Variants in RPS6KA3 observed in about 807,000 individuals in gnomAD.
RPS6KA3 encodes ribosomal protein S6 kinase alpha-3.
A neutral mutation model predicts 67.2 loss-of-function variants in RPS6KA3; 4 were observed. The ratio of observed to expected loss-of-function variants is 0.06; its 90% CI spans 0.03 to 0.14. The LOEUF (loss-of-function observed/expected upper bound fraction) is 0.14. RPS6KA3 is among the 10% of genes least tolerant of loss of function. RPS6KA3 has a pLI of 1.00. For synonymous variants in RPS6KA3, 182 were observed against 183.7 expected, an observed-to-expected ratio of 0.99 and a Z score of 0.07; for missense variants, 204 against 559.0, an observed-to-expected ratio of 0.36 and a Z score of 6.40.
At chrX:20,237,740 C>T (rs1026104473) in intron 1 of RPS6KA3, among the ~76,000 whole-genome samples, 2 of 111,533 alleles carry the variant, frequency 1.8e-5, no homozygotes, top group African/African-American at 6.5e-5. Flanking sequence ...GGATAAAATA[C>T]TCTGTAAAGT....
chrX:20,200,084 A>C (rs987755263), intron 4 of RPS6KA3, among the ~76,000 whole-genome samples: 1 of 112,351 alleles, frequency 8.9e-6, no homozygotes, highest in Non-Finnish European at 1.9e-5. Flanking sequence ...TTATGAAAAG[A>C]GACTGAATAC....
Position 20,259,196 on chromosome X carries a change from T to C in RPS6KA3, c.69+7368A>G, listed in dbSNP as rs772536059. Among the ~76,000 whole-genome samples the C allele has an allele frequency of 7.2e-5, 8 of 111,777 alleles. No individual in the cohort carries two copies. In the East Asian group the frequency reaches 1.9e-3, roughly 27 times the overall value. On this transcript the variant is annotated intron_variant, in intron 1 of 21. Coordinates refer to ENST00000379565, the MANE Select transcript of RPS6KA3 (RefSeq NM_004586.3). ...TTATATTACTAATCCTAGCTATCTA[T>C]TCTCTAGTAAGTGAAAACAAGAAGC...
chrX:20,230,733 C>T (rs2069239281), intron 2 of RPS6KA3, among the ~76,000 whole-genome samples: 2 of 111,005 alleles, frequency 1.8e-5, no homozygotes. Context: ...CTTATTCTTC[C>T]ACAACTGACA....
At chrX:20,156,298 TTTC>T in intron 20 of RPS6KA3, 49 bp from the exon 21 acceptor site, 1 of 1,127,456 alleles carries the variant, frequency 8.9e-7, no homozygotes, top group Non-Finnish European at 1.2e-6. Flanking sequence ...TTTGCTTCTT[TTTC>T]TATGGCTCTT....
intron 1 of RPS6KA3, among the ~76,000 whole-genome samples, chrX:20,250,925 T>C (rs772734123): frequency 1.8e-5 from 2 of 112,226 alleles, no homozygotes; most frequent in South Asian, 3.7e-4. Context: ...GTAGAATTTA[T>C]GTGATTTCTT....
intron 18 of RPS6KA3, among the ~76,000 whole-genome samples, chrX:20,164,240 G>A (rs1414419998): frequency 9.0e-6 from 1 of 111,319 alleles, no homozygotes; most frequent in Non-Finnish European, 1.9e-5. Flanking sequence ...GGGGAGAGAA[G>A]GAAGGCTAGA....
intron 1 of RPS6KA3, among the ~76,000 whole-genome samples, chrX:20,252,010 T>G (rs1358966802): frequency 8.9e-6 from 1 of 112,334 alleles, no homozygotes; most frequent in African/African-American, 3.2e-5. Flanking sequence ...CTGTTCATTT[T>G]CCAGTTTATT....
At chrX:20,191,307 T>A (rs2068120340) in intron 7 of RPS6KA3, among the ~76,000 whole-genome samples, 1 of 111,859 alleles carries the variant, frequency 8.9e-6, no homozygotes, top group African/African-American at 3.3e-5. Flanking sequence ...TCTTTGCTAT[T>A]GTGAATAGTG....
At chrX:20,263,421 AGTTT>A (rs1364569518) in intron 1 of RPS6KA3, among the ~76,000 whole-genome samples, 1 of 112,482 alleles carries the variant, frequency 8.9e-6, no homozygotes, top group East Asian at 2.8e-4. Context: ...TTAGGAAGCT[AGTTT>A]GTTTTTTATC....
At position 20,150,225 on chromosome X, in the gene RPS6KA3, C is replaced by T. The variant is rs1296225845; in HGVS notation, c.*5173G>A. ...AGAATTCATGATATGGTATCTTGGG[C>T]TTCTGGCATGCCTTACTAGAGAGAA... On this transcript the variant is annotated 3_prime_UTR_variant, in exon 22 of 22. Coordinates refer to ENST00000379565, the MANE Select transcript of RPS6KA3 (RefSeq NM_004586.3). 1 of 113,277 alleles carries T rather than the reference C, an allele frequency of 8.8e-6. No homozygotes were observed. Among genetic ancestry groups the T allele is most frequent in the African/African-American group, 3.2e-5 (1 of 31,188 alleles). 9.3% of individuals were successfully genotyped at this position (113,277 alleles called of 1,213,427 possible). A position where few individuals can be genotyped will look rare whatever the true frequency, so the allele number is the denominator to read the frequency against.
intron 2 of RPS6KA3, among the ~76,000 whole-genome samples, chrX:20,216,881 T>C (rs1012996012): frequency 1.8e-5 from 2 of 112,018 alleles, no homozygotes; most frequent in African/African-American, 6.5e-5. Flanking sequence ...TTCTGATCTA[T>C]GACATACTCT....
intron 4 of RPS6KA3, among the ~76,000 whole-genome samples, chrX:20,203,153 T>G (rs1398350163): frequency 8.9e-6 from 1 of 111,902 alleles, no homozygotes; most frequent in Non-Finnish European, 1.9e-5. Context: ...AAAAATGGAC[T>G]TTTAGTAATC....
At chrX:20,207,700 T>C (rs1302715267) in intron 3 of RPS6KA3, among the ~76,000 whole-genome samples, 1 of 111,458 alleles carries the variant, frequency 9.0e-6, no homozygotes, top group Non-Finnish European at 1.9e-5. Context: ...AGAAAAAAAA[T>C]TGAATTGAAG....
chrX:20,194,123 C>G, intron 6 of RPS6KA3, 66 bp downstream of exon 6: 1 of 697,895 alleles, frequency 1.4e-6, no homozygotes, highest in Admixed American at 2.4e-5. Context: ...AATACTGAAA[C>G]ATAACAAAGC....
rs1417941625 is a variant in RPS6KA3, at chrX:20,153,681, G to A, written c.*1717C>T. On this transcript the variant is annotated 3_prime_UTR_variant, in exon 22 of 22. Transcript: ENST00000379565. ...GTCACCCAGGCTGGAGTGCAATGGT[G>A]TGATCTTGGCTCACTGCAACCACCA... 9.2e-6 allele frequency: 1 copy of A among 108,192 alleles called. No homozygotes were observed. The highest frequency in any genetic ancestry group is 1.9e-5 in the Non-Finnish European group (1 of 52,286). The allele number at this position is 108,192 out of a possible 1,213,427, so 8.9% of individuals were successfully genotyped here. A position where few individuals can be genotyped will look rare whatever the true frequency, so the allele number is the denominator to read the frequency against.
intron 1 of RPS6KA3, among the ~76,000 whole-genome samples, chrX:20,258,435 C>A (rs890368455): frequency 9.8e-5 from 11 of 111,929 alleles, no homozygotes; most frequent in Non-Finnish European, 2.1e-4. Flanking sequence ...GAAGATTTAT[C>A]CCAAACCACT....
intron 2 of RPS6KA3, among the ~76,000 whole-genome samples, chrX:20,226,499 T>G (rs760451751): frequency 8.9e-6 from 1 of 112,345 alleles, no homozygotes; most frequent in African/African-American, 3.2e-5. Context: ...CTTTGACTTT[T>G]GTTTACACCA....
intron 1 of RPS6KA3, among the ~76,000 whole-genome samples, chrX:20,239,673 T>C (rs2069501334): frequency 9.0e-6 from 1 of 111,310 alleles, no homozygotes; most frequent in Admixed American, 9.5e-5. Context: ...ACCTACAATA[T>C]GGGTCTCATC....
At chrX:20,248,161 TTAA>T (rs1795580376) in intron 1 of RPS6KA3, among the ~76,000 whole-genome samples, 1 of 112,615 alleles carries the variant, frequency 8.9e-6, no homozygotes, top group Non-Finnish European at 1.9e-5. Context: ...ATCATTTGTT[TTAA>T]TAAACCTTTT....
Sources: gnomAD v4.1 joint callset for allele counts (sites outside exome capture counted in the v4.1 genomes callset) on GRCh38, gnomAD v4.1.1 for gene constraint, MANE v1.5 for transcripts, NCBI Gene and HGNC (gene_info 2026-07-23, HGNC 2026-07-21) for gene names.